KDM5B: variants seen among roughly 807,000 people sequenced by gnomAD.
KDM5B encodes lysine-specific demethylase 5B.
KDM5B carries 144 observed loss-of-function variants against 193.4 expected under a neutral mutation model. The ratio of observed to expected loss-of-function variants is 0.74; its 90% confidence interval spans 0.65 to 0.86. KDM5B has a LOEUF of 0.86. KDM5B is among the 40% of genes least tolerant of loss of function. The pLI, the probability that KDM5B is intolerant of heterozygous loss-of-function variation, is 0.00. For synonymous variants in KDM5B, 668 were observed against 682.6 expected (o/e 0.98, Z 0.33); for missense variants, 1,833 against 1,886.9 (o/e 0.97, Z 0.53).
At chr1:202,734,006 A>C in intron 22 of KDM5B, 120 bp from the exon 23 acceptor site, 1 of 1,200,826 alleles carries the variant, frequency 8.3e-7, no homozygotes, top group Non-Finnish European at 1.2e-6. Context: ...TCAAATCCTG[A>C]CTGCCTCATA....
chr1:202,760,208 G>C (rs929860707), intron 8 of KDM5B, among the ~76,000 whole-genome samples: 1 of 10,056 alleles, frequency 9.9e-5, no homozygotes, highest in African/African-American at 1.4e-4. Flanking sequence ...CAGCTACGTG[G>C]GGGGGGCTGA....
chr1:202,761,473 G>C (rs2102273941), intron 7 of KDM5B, among the ~76,000 whole-genome samples: 1 of 152,186 alleles, frequency 6.6e-6, no homozygotes, highest in Middle Eastern at 3.4e-3. Flanking sequence ...AGGGGACATG[G>C]TTCAGAAGTT....
chr1:202,730,042 G>C lies in KDM5B; in HGVS notation c.4177-15C>G, dbSNP rs369199538. The C allele has an allele frequency of 8.8e-6, 14 of 1,588,280 alleles. No individual in the cohort carries two copies. The highest frequency in any genetic ancestry group is 1.2e-5 in the Non-Finnish European group (14 of 1,168,668). ...CAACAGTCATTCTGGGTGGAAGATA[G>C]GAAAGTTCAATTTTCGCCTATGGGT... On this transcript the variant is annotated splice_polypyrimidine_tract_variant and intron_variant, in intron 25 of 26. Coordinates refer to ENST00000367265, the MANE Select transcript of KDM5B (RefSeq NM_006618.5).
rs201893388 is a variant in KDM5B, at chr1:202,793,906, TA to T, written c.204+14195del. On this transcript the variant is annotated intron_variant, in intron 1 of 26. Transcript: ENST00000367265. ...GTGGGCTGCTACCAAGCACAATTTT[TA>T]AAAACCCCAAACCCATACTCTACCA... Among the ~76,000 whole-genome samples the T allele has an allele frequency of 5.2e-3, 790 of 152,244 alleles. 33 individuals carry two copies. Among genetic ancestry groups the T allele is most frequent in the Admixed American group, 0.047 (719 of 15,294 alleles).
chr1:202,760,620 T>C (rs1656209259), intron 7 of KDM5B, 47 bp from the exon 8 acceptor site: 1 of 1,410,344 alleles, frequency 7.1e-7, no homozygotes, highest in East Asian at 2.5e-5. Flanking sequence ...TGAGCTATTA[T>C]TTGATTTTCT....
rs745365425 is a variant in KDM5B at position 202,766,883 on chromosome 1, G to A, written c.711+43C>T. On this transcript the variant is annotated intron_variant, in intron 5 of 26. Coordinates refer to ENST00000367265, the MANE Select transcript of KDM5B (RefSeq NM_006618.5). ...CAGTGCCAGACAGCCATTGGTATTAGGGCTTGAGAATTCCTTTTAAATTAA... is the reference window on the plus strand; with the variant it reads ...CAGTGCCAGACAGCCATTGGTATTAAGGCTTGAGAATTCCTTTTAAATTAA... 1.9e-6 allele frequency: 3 copies of A among 1,542,714 alleles called. No homozygotes were observed. The African/African-American group carries it at 4.2e-5, about 22-fold the overall frequency.
intron 26 of KDM5B, 136 bp downstream of exon 26, chr1:202,729,571 G>A: frequency 1.4e-6 from 1 of 704,080 alleles, no homozygotes; most frequent in East Asian, 2.7e-5. Context: ...ATATCAGTGG[G>A]GGAAGGGCTG....
In KDM5B at chr1:202,766,961, G is replaced by T. The variant is rs1656489536; in HGVS notation, c.676C>A (p.Pro226Thr). 9.5e-6 allele frequency: 15 copies of T among 1,583,970 alleles called. No individual in the cohort carries two copies. Among genetic ancestry groups the T allele is most frequent in the Non-Finnish European group, 1.3e-5 (15 of 1,172,888 alleles). The change falls in exon 5 of 27, where the codon CCC (proline) becomes ACC (threonine). Residue 226 changes from proline to threonine, a missense_variant. Physicochemically the swap from Pro to Thr is conservative, Grantham distance 38. Coordinates refer to ENST00000367265, the MANE Select transcript of KDM5B (RefSeq NM_006618.5). ...ATGCGTTTTGCTCGTCGGGCTGGGGGGCACGTTTCCGAAGGCTGCACAGAC... is the reference window on the plus strand; with the variant it reads ...ATGCGTTTTGCTCGTCGGGCTGGGGTGCACGTTTCCGAAGGCTGCACAGAC... ...RQSVQPSETC[P>T]PARRAKRMRA... is the part of the protein sequence containing the mutation.
intron 1 of KDM5B, among the ~76,000 whole-genome samples, chr1:202,803,180 G>A (rs973749843): frequency 2.6e-5 from 4 of 152,044 alleles, no homozygotes; most frequent in African/African-American, 9.7e-5. Context: ...TTCAGGCCCT[G>A]GCTTTTAATA....
intron 3 of KDM5B, 29 bp downstream of exon 3, chr1:202,774,584 A>G (rs1216084186): frequency 1.9e-6 from 3 of 1,584,616 alleles, no homozygotes; most frequent in Non-Finnish European, 2.6e-6. Context: ...AAGATTATAA[A>G]ATAAGTAAGA....
At chr1:202,777,576 C>A (rs1657012424) in intron 1 of KDM5B, among the ~76,000 whole-genome samples, 1 of 151,950 alleles carries the variant, frequency 6.6e-6, no homozygotes, top group Non-Finnish European at 1.5e-5. Context: ...TGGTGGAAAC[C>A]TCTGCCTCCT....
chr1:202,733,922 G>A (rs781349259), intron 22 of KDM5B, 36 bp from the exon 23 acceptor site: 37 of 1,575,010 alleles, frequency 2.3e-5, no homozygotes, highest in Non-Finnish European at 3.2e-5. Flanking sequence ...TGATGTCCGA[G>A]ATGGCTTGGC....
At chr1:202,773,615 T>G (rs1572751878) in intron 3 of KDM5B, among the ~76,000 whole-genome samples, 1 of 152,224 alleles carries the variant, frequency 6.6e-6, no homozygotes, top group Admixed American at 6.5e-5. Flanking sequence ...ATACTTGGTC[T>G]TATTCTGGGC....
intron 1 of KDM5B, among the ~76,000 whole-genome samples, chr1:202,786,971 A>T (rs1460624956): frequency 6.6e-6 from 1 of 152,158 alleles, no homozygotes. Flanking sequence ...CTAAGATCTT[A>T]GCTTTATTCC....
intron 1 of KDM5B, among the ~76,000 whole-genome samples, chr1:202,806,177 G>A (rs565745033): frequency 5.9e-5 from 9 of 152,172 alleles, no homozygotes; most frequent in Admixed American, 1.3e-4. Flanking sequence ...CCTCTAAAAG[G>A]CAAAGAACAA....
chr1:202,802,693 C>T (rs1296898867), intron 1 of KDM5B, among the ~76,000 whole-genome samples: 2 of 152,008 alleles, frequency 1.3e-5, no homozygotes, highest in Non-Finnish European at 2.9e-5. Flanking sequence ...TATGCCCAGC[C>T]CTGTATTTTT....
chr1:202,779,856 G>T (rs188716572), intron 1 of KDM5B, among the ~76,000 whole-genome samples: 2 of 142,274 alleles, frequency 1.4e-5, no homozygotes, highest in African/African-American at 5.2e-5. Context: ...AAAAATAAAG[G>T]AAGAAAAAAC....
At chr1:202,772,588 T>C (rs567703426) in intron 4 of KDM5B, among the ~76,000 whole-genome samples, 2 of 152,170 alleles carry the variant, frequency 1.3e-5, no homozygotes, top group South Asian at 4.1e-4. Flanking sequence ...CTTTGGACAG[T>C]AAAAAAATTT....
At chr1:202,760,651 G>C in intron 7 of KDM5B, 78 bp from the exon 8 acceptor site, 1 of 1,037,006 alleles carries the variant, frequency 9.6e-7, no homozygotes, top group Non-Finnish European at 1.4e-6. Context: ...AAATGAAATG[G>C]ATCTGAGACA....
Sources: allele counts gnomAD v4.1 joint callset (sites outside exome capture counted in the v4.1 genomes callset), GRCh38; gene constraint gnomAD v4.1.1; transcripts MANE v1.5; gene names NCBI Gene and HGNC (gene_info 2026-07-23, HGNC 2026-07-21).